Variants in RPL18A observed in about 807,000 individuals in gnomAD.
RPL18A encodes large ribosomal subunit protein eL20.
For synonymous variants in RPL18A, 122 were observed against 96.9 expected (o/e 1.26, Z -1.52); for missense variants, 163 against 254.1 (o/e 0.64, Z 2.44).
rs2094273882 is a variant in RPL18A, at chr19:17,859,920, TC to T, written c.-35del. 1.3e-6 allele frequency: 2 copies of T among 1,543,088 alleles called. No homozygotes were observed. Among genetic ancestry groups the T allele is most frequent in the Non-Finnish European group, 1.7e-6 (2 of 1,144,978 alleles). On this transcript the variant is annotated 5_prime_UTR_variant, in exon 1 of 5. Coordinates refer to ENST00000222247, the MANE Select transcript of RPL18A (RefSeq NM_000980.4). The stretch of plus-strand genomic sequence containing the variant: ...GAACGGCTGCGCGACAGAGGACACT[TC>T]CTTTTGCGGGTGGCGGCGAACGCGG...
chr19:17,862,035 T>C (rs1001422649), intron 2 of RPL18A, 59 bp from the exon 3 acceptor site: 5 of 1,587,378 alleles, frequency 3.1e-6, no homozygotes, highest in Admixed American at 3.4e-5. Context: ...TCAGTGAGGA[T>C]GGGGCTAGGG....
Position 17,862,114 on chromosome 19 carries a change from G to T in RPL18A, c.219G>T (p.Leu73=). ...GGCAGGTGTTTGAGAAGTCCCCCCT[G>T]CGGGTGAAGAACTTCGGGATCTGGC... The part of the protein sequence containing the change: ...YCGQVFEKSP[L]RVKNFGIWLR... The change falls in exon 3 of 5, where the codon CTG becomes CTT. Residue 73 remains leucine, a synonymous_variant. Coordinates refer to ENST00000222247, the MANE Select transcript of RPL18A (RefSeq NM_000980.4). 1 of 1,612,138 alleles carries T rather than the reference G, an allele frequency of 6.2e-7. No individual in the cohort carries two copies. The highest frequency in any genetic ancestry group is 8.5e-7 in the Non-Finnish European group (1 of 1,179,908).
At chr19:17,862,059 T>C in intron 2 of RPL18A, 35 bp from the exon 3 acceptor site, 1 of 1,607,632 alleles carries the variant, frequency 6.2e-7, no homozygotes, top group Non-Finnish European at 8.5e-7. Context: ...ATCGGCTTGC[T>C]GCTCTCACAT....
At chr19:17,862,621 T>C (rs753921938) in intron 3 of RPL18A, 7 of 716,452 alleles carry the variant, frequency 9.8e-6, no homozygotes, top group Non-Finnish European at 1.5e-5. Flanking sequence ...CTGTTTCTTA[T>C]AGCGGTGGTT....
intron 2 of RPL18A, 78 bp downstream of exon 2, chr19:17,861,550 C>CA (rs2094277339): frequency 8.4e-7 from 1 of 1,191,976 alleles, no homozygotes; most frequent in Non-Finnish European, 1.2e-6. Flanking sequence ...AAGAATTAAT[C>CA]AGACATCGAA....
chr19:17,863,228 C>A lies in RPL18A; in HGVS notation c.496C>A (p.Arg166Ser). 6.2e-7 allele frequency: 1 copy of A among 1,609,694 alleles called. No individual in the cohort carries two copies. Among genetic ancestry groups the A allele is most frequent in the South Asian group, 1.1e-5 (1 of 90,880 alleles). Residue 166 changes from arginine to serine, a missense_variant, in exon 5 of 5, where the codon CGC becomes AGC. By Grantham distance (110) the Arg-to-Ser change is moderately radical. Coordinates refer to ENST00000222247, the MANE Select transcript of RPL18A (RefSeq NM_000980.4). ...GGTCCTGCGCCGTCAGCACAAGCCA[C>A]GCTTCACCACCAAGAGGCCCAACAC... ...HRVLRRQHKP[R>S]FTTKRPNTFF
chr19:17,861,439 G>A lies in RPL18A; in HGVS notation c.165G>A (p.Lys55=), dbSNP rs1293253249. The A allele has an allele frequency of 2.5e-6, 4 of 1,602,956 alleles. No individual in the cohort carries two copies. The highest frequency in any genetic ancestry group is 4.5e-5 in the East Asian group (2 of 44,690). The change falls in exon 2 of 5, where the codon AAG becomes AAA. Residue 55 remains lysine (K), a synonymous_variant. Transcript: ENST00000222247. ...WYFVSQLKKM[K]KSSGEIVYCG... ...TTGTATCTCAGTTAAAGAAGATGAA[G>A]AAGTCTTCAGGGGAGATTGTCTACT...
Position 17,863,188 on chromosome 19 carries a change from C to T in RPL18A, c.456C>T (p.Phe152=), listed in dbSNP as rs1245275057. The T allele has an allele frequency of 1.2e-6, 2 of 1,612,460 alleles. No homozygotes were observed. The highest frequency in any genetic ancestry group is 2.7e-5 in the African/African-American group (2 of 74,874). The change falls in exon 5 of 5, where the codon TTC becomes TTT. Residue 152 remains phenylalanine, a synonymous_variant. Transcript: ENST00000222247. ...VKQFHDSKIK[F]PLPHRVLRRQ... ...CCTCACAGGACTCCAAGATCAAGTT[C>T]CCGCTGCCCCACCGGGTCCTGCGCC...
rs1186200416 is a variant in RPL18A, at chr19:17,863,155, C to T, written c.439-16C>T. 1.2e-6 allele frequency: 2 copies of T among 1,607,910 alleles called. No individual in the cohort carries two copies. The highest frequency in any genetic ancestry group is 1.7e-6 in the Non-Finnish European group (2 of 1,174,692). On this transcript the variant is annotated splice_polypyrimidine_tract_variant and intron_variant, in intron 4 of 4. Coordinates refer to ENST00000222247, the MANE Select transcript of RPL18A (RefSeq NM_000980.4). ...AGAGGCTTCCAACCCCCTCAACATG[C>T]CTCCCTTCCTCACAGGACTCCAAGA...
At chr19:17,861,722 T>A in intron 2 of RPL18A, 1 of 563,860 alleles carries the variant, frequency 1.8e-6, no homozygotes, top group Non-Finnish European at 3.1e-6. Context: ...GTGGGACACC[T>A]TGGTTGGTGC....
intron 1 of RPL18A, 46 bp from the exon 2 acceptor site, chr19:17,861,247 G>T (rs765091063): frequency 6.4e-7 from 1 of 1,572,202 alleles, no homozygotes; most frequent in Admixed American, 1.7e-5. Context: ...GATCTCCACA[G>T]TTGCCTCTGG....
chr19:17,860,282 TTC>T, intron 1 of RPL18A: 1 of 429,678 alleles, frequency 2.3e-6, no homozygotes, highest in Non-Finnish European at 4.1e-6. Flanking sequence ...GCCGCCAAGT[TTC>T]TGTTTTCCTT....
Position 17,859,956 on chromosome 19 carries a change from C to A in RPL18A, c.-1C>A, listed in dbSNP as rs757835758. On this transcript the variant is annotated 5_prime_UTR_variant, in exon 1 of 5. Transcript: ENST00000222247. ...GTGGCGGCGAACGCGGAGAGCACGCCATGAAGGCCTCGGGCACGGTAAGGC... is the reference window on the plus strand; with the variant it reads ...GTGGCGGCGAACGCGGAGAGCACGCAATGAAGGCCTCGGGCACGGTAAGGC... 2 of 1,539,894 alleles carry A rather than the reference C, an allele frequency of 1.3e-6. No individual in the cohort carries two copies. The highest frequency in any genetic ancestry group is 2.0e-5 in the Admixed American group (1 of 49,820).
At position 17,863,190 on chromosome 19, in the gene RPL18A, C is replaced by T. The variant is rs779227843; in HGVS notation, c.458C>T (p.Pro153Leu). 7 of 1,612,312 alleles carry T rather than the reference C, an allele frequency of 4.3e-6. No individual in the cohort carries two copies. Among genetic ancestry groups the T allele is most frequent in the South Asian group, 2.2e-5 (2 of 91,022 alleles). Residue 153 changes from proline (P) to leucine (L), a missense_variant, in exon 5 of 5, where the codon CCG (proline) becomes CTG (leucine). Pro to Leu is a moderately conservative substitution (Grantham distance 98). Coordinates refer to ENST00000222247, the MANE Select transcript of RPL18A (RefSeq NM_000980.4). ...TCACAGGACTCCAAGATCAAGTTCC[C>T]GCTGCCCCACCGGGTCCTGCGCCGT... is the stretch of plus-strand genomic sequence containing the variant. ...KQFHDSKIKFPLPHRVLRRQH... is the reference protein window; with the variant it reads ...KQFHDSKIKFLLPHRVLRRQH...
chr19:17,860,553 T>A (rs1209475769), intron 1 of RPL18A, among the ~76,000 whole-genome samples: 1 of 152,184 alleles, frequency 6.6e-6, no homozygotes, highest in East Asian at 1.9e-4. Context: ...ATTGTTCCCT[T>A]CCTGAACGTG....
At chr19:17,861,186 C>G in intron 1 of RPL18A, 107 bp from the exon 2 acceptor site, 1 of 1,075,916 alleles carries the variant, frequency 9.3e-7, no homozygotes, top group Non-Finnish European at 1.4e-6. Flanking sequence ...GTGGCCCTGC[C>G]TCCTGCTTCC....
intron 3 of RPL18A, 22 bp from the exon 4 acceptor site, chr19:17,862,896 C>G: frequency 1.3e-6 from 2 of 1,557,688 alleles, no homozygotes; most frequent in Non-Finnish European, 1.8e-6. Context: ...CACCGTCACC[C>G]TGGCCCCGCT....
rs989158636 is a variant in RPL18A at position 17,860,115 on chromosome 19, C to T, written c.18+141C>T. 3.7e-5 allele frequency: 26 copies of T among 698,098 alleles called. No homozygotes were observed. In the African/African-American group the frequency reaches 4.8e-4, roughly 13 times the overall value. 43.2% of individuals were successfully genotyped at this position (698,098 alleles called of 1,614,324 possible). On this transcript the variant is annotated intron_variant, in intron 1 of 4. Transcript: ENST00000222247. ...GGCCGCGCGCCGCCTTCTCTTGTTG[C>T]ACCCAACATGGCGGCCATCGTGGGA...
intron 3 of RPL18A, 189 bp from the exon 4 acceptor site, chr19:17,862,729 C>A (rs747383293): frequency 1.3e-6 from 1 of 763,250 alleles, no homozygotes; most frequent in East Asian, 2.4e-5. Flanking sequence ...CTCTAGTGGC[C>A]AGTGACTGCA....
Sources: allele counts gnomAD v4.1 joint callset (sites outside exome capture counted in the v4.1 genomes callset), GRCh38; gene constraint gnomAD v4.1.1; transcripts MANE v1.5; gene names NCBI Gene and HGNC (gene_info 2026-07-23, HGNC 2026-07-21).